ACTR3C: variants seen among roughly 807,000 people sequenced by gnomAD.
ACTR3C encodes the protein actin-related protein 3C.
ACTR3C carries 18 observed loss-of-function variants against 26.3 expected under a neutral mutation model. The observed-to-expected ratio is 0.68, with a 90% confidence interval of 0.47 to 1.01. The LOEUF is 1.01. Ranked by LOEUF, ACTR3C falls within the 50% of genes least tolerant of loss-of-function variation. The pLI is 0.00. For synonymous variants in ACTR3C, 55 were observed against 94.5 expected (o/e 0.58, Z 2.42); for missense variants, 184 against 250.7 (o/e 0.73, Z 1.80).
downstream of ACTR3C, among the ~76,000 whole-genome samples, chr7:150,243,415 T>C (rs1327241504): frequency 1.3e-5 from 2 of 152,078 alleles, no homozygotes; most frequent in Non-Finnish European, 2.9e-5. Flanking sequence ...ATCTAGTGTA[T>C]AGTTTTCTAA....
the ACTR3C span, among the ~76,000 whole-genome samples, chr7:149,944,735 C>T: frequency 1.3e-5 from 2 of 151,700 alleles, no homozygotes; most frequent in South Asian, 4.2e-4. Context: ...CTGTCACTGT[C>T]CTGTAGCCAG....
At chr7:150,313,954 A>G (rs1307478579) in intron 1 of ACTR3C, among the ~76,000 whole-genome samples, 1 of 152,222 alleles carries the variant, frequency 6.6e-6, no homozygotes, top group Non-Finnish European at 1.5e-5. Flanking sequence ...GGTAAGTGTT[A>G]GTGGCAGAAA....
chr7:150,228,754 C>T, the ACTR3C span, among the ~76,000 whole-genome samples: 1 of 151,394 alleles, frequency 6.6e-6, no homozygotes, highest in African/African-American at 2.4e-5. Flanking sequence ...AAACACTAGT[C>T]CTATGGTAGT....
At chr7:150,176,808 A>G in the ACTR3C span, among the ~76,000 whole-genome samples, 1 of 150,976 alleles carries the variant, frequency 6.6e-6, no homozygotes, top group South Asian at 2.1e-4. Flanking sequence ...TATTGAATTC[A>G]ATAATAAAGA....
chr7:150,020,792 T>C, the ACTR3C span, among the ~76,000 whole-genome samples: 8,293 of 151,974 alleles, frequency 0.055, 383 homozygotes, highest in African/African-American at 0.15. Context: ...ATTTTTTATA[T>C]GGAACTATTT....
chr7:150,086,940 A>G, the ACTR3C span, among the ~76,000 whole-genome samples: 1 of 152,194 alleles, frequency 6.6e-6, no homozygotes, highest in Non-Finnish European at 1.5e-5. Context: ...CTGAGAAGAG[A>G]ACATAGAAGA....
At chr7:149,892,362 T>C in the ACTR3C span, 1 of 1,596,262 alleles carries the variant, frequency 6.3e-7, no homozygotes, top group African/African-American at 1.4e-5. Context: ...CCTTTGGGCT[T>C]GGTCAACTAC....
At chr7:150,314,002 C>G (rs1439195799) in intron 1 of ACTR3C, among the ~76,000 whole-genome samples, 3 of 152,224 alleles carry the variant, frequency 2.0e-5, no homozygotes, top group African/African-American at 7.2e-5. Context: ...CAGGACGGAG[C>G]TCTTCTGGCA....
the ACTR3C span, among the ~76,000 whole-genome samples, chr7:149,903,653 C>T: frequency 6.6e-6 from 1 of 151,362 alleles, no homozygotes; most frequent in Non-Finnish European, 1.5e-5. Flanking sequence ...GCAATCATCC[C>T]ACCTCAGCCT....
chr7:149,954,941 A>G, the ACTR3C span, among the ~76,000 whole-genome samples: 10,106 of 152,326 alleles, frequency 0.066, 960 homozygotes, highest in African/African-American at 0.21. Flanking sequence ...AGGAACTAGC[A>G]TTAACTGAAG....
chr7:150,294,883 T>G (rs1416816282), intron 2 of ACTR3C, among the ~76,000 whole-genome samples: 1 of 151,350 alleles, frequency 6.6e-6, no homozygotes, highest in Non-Finnish European at 1.5e-5. Context: ...ACACTGGGAC[T>G]CATAAGAGCC....
At chr7:150,168,470 T>C in the ACTR3C span, among the ~76,000 whole-genome samples, 18 of 149,874 alleles carry the variant, frequency 1.2e-4, no homozygotes, top group Non-Finnish European at 1.5e-5. Flanking sequence ...AGCTCAGGGC[T>C]CCCACTGATT....
At chr7:150,098,869 C>T in the ACTR3C span, among the ~76,000 whole-genome samples, 48 of 151,606 alleles carry the variant, frequency 3.2e-4, 1 homozygote, top group African/African-American at 1.1e-3. Flanking sequence ...CGTGGATTGC[C>T]TTCCCTCATT....
chr7:149,907,726 C>T, the ACTR3C span, among the ~76,000 whole-genome samples: 1 of 151,252 alleles, frequency 6.6e-6, no homozygotes, highest in African/African-American at 2.4e-5. Context: ...CAACTGAATG[C>T]TACCAACAGC....
intron 1 of ACTR3C, among the ~76,000 whole-genome samples, chr7:150,300,359 AC>A (rs1291858964): frequency 1.1e-4 from 16 of 152,160 alleles, no homozygotes; most frequent in African/African-American, 3.9e-4. Flanking sequence ...CTCAAAAAAA[AC>A]AACAACAAAA....
chr7:150,315,263 A>C (rs1041350983), intron 1 of ACTR3C, among the ~76,000 whole-genome samples: 2 of 152,088 alleles, frequency 1.3e-5, no homozygotes, highest in Non-Finnish European at 1.5e-5. Flanking sequence ...GAAATTCATT[A>C]AAATTGAACG....
At chr7:149,884,923 A>T in the ACTR3C span, among the ~76,000 whole-genome samples, 1 of 152,220 alleles carries the variant, frequency 6.6e-6, no homozygotes, top group Non-Finnish European at 1.5e-5. Flanking sequence ...ACCAGCTCCC[A>T]AGGGTTTTGG....
chr7:149,885,009 G>T, the ACTR3C span, among the ~76,000 whole-genome samples: 4 of 152,040 alleles, frequency 2.6e-5, no homozygotes, highest in African/African-American at 9.7e-5. Flanking sequence ...AATTCTTTGG[G>T]TTTTTTTGTG....
chr7:150,183,301 A>AGATTCCT, the ACTR3C span, among the ~76,000 whole-genome samples: 2 of 137,272 alleles, frequency 1.5e-5, no homozygotes, highest in African/African-American at 6.8e-5. Context: ...TGTAAATATG[A>AGATTCCT]CCATGTTGCC....
Sources: gnomAD v4.1 joint callset for allele counts (sites outside exome capture counted in the v4.1 genomes callset) on GRCh38, gnomAD v4.1.1 for gene constraint, MANE v1.5 for transcripts, NCBI Gene and HGNC (gene_info 2026-07-23, HGNC 2026-07-21) for gene names.